Variants in PCDHA7 observed in about 807,000 individuals in gnomAD.
PCDHA7 encodes protocadherin alpha-7.
Under a neutral mutation model 57.2 loss-of-function variants are expected in PCDHA7, and 37 were observed. The ratio of observed to expected loss-of-function variants is 0.65; its 90% CI spans 0.50 to 0.85. PCDHA7 has a LOEUF of 0.85. Ranked by LOEUF, PCDHA7 falls within the 40% of genes least tolerant of loss-of-function variation. The probability of loss-of-function intolerance (pLI) is 0.00; values close to 1 mark genes in which losing one functional copy is unlikely to be tolerated. For missense variants in PCDHA7, 1,188 were observed against 1,241.8 expected, an observed-to-expected ratio of 0.96 and a Z score of 0.65; for synonymous variants, 553 against 558.8, an observed-to-expected ratio of 0.99 and a Z score of 0.15.
intron 1 of PCDHA7, among the ~76,000 whole-genome samples, chr5:140,917,650 T>G (rs897307157): frequency 1.5e-4 from 23 of 152,226 alleles, no homozygotes; most frequent in African/African-American, 5.5e-4. Context: ...CCAGCAATAT[T>G]GAGTAGGAAG....
intron 1 of PCDHA7, among the ~76,000 whole-genome samples, chr5:140,855,023 G>C (rs115040572): frequency 0.046 from 6,867 of 149,598 alleles, 637 homozygotes; most frequent in Middle Eastern, 0.088. Context: ...GAAACTTCTT[G>C]TATAAAGGAT....
intron 1 of PCDHA7, chr5:140,877,946 C>T (rs996993086): frequency 3.2e-5 from 43 of 1,349,440 alleles, no homozygotes; most frequent in Non-Finnish European, 4.0e-5. Context: ...TTTAAACTAT[C>T]GAATGTCTCA....
At chr5:140,946,237 A>C (rs540442862) in intron 1 of PCDHA7, among the ~76,000 whole-genome samples, 8 of 152,268 alleles carry the variant, frequency 5.3e-5, no homozygotes, top group African/African-American at 1.9e-4. Context: ...AAAAATGCTC[A>C]ACATCATGAA....
chr5:140,841,294 A>C, intron 1 of PCDHA7: 1 of 1,563,306 alleles, frequency 6.4e-7, no homozygotes, highest in Non-Finnish European at 8.6e-7. Flanking sequence ...TTAAGATAAT[A>C]TTTTCTGATA....
At chr5:140,974,856 C>G (rs2096643713) in intron 1 of PCDHA7, among the ~76,000 whole-genome samples, 1 of 152,104 alleles carries the variant, frequency 6.6e-6, no homozygotes, top group African/African-American at 2.4e-5. Context: ...TTCCCTTTTG[C>G]CTTAATGCGG....
chr5:140,945,000 G>A (rs980802301), intron 1 of PCDHA7, among the ~76,000 whole-genome samples: 3 of 151,862 alleles, frequency 2.0e-5, no homozygotes, highest in African/African-American at 7.3e-5. Context: ...AACGGTTGTG[G>A]GTCATGAATT....
At chr5:140,985,386 T>A (rs2097149117) in intron 3 of PCDHA7, among the ~76,000 whole-genome samples, 1 of 152,170 alleles carries the variant, frequency 6.6e-6, no homozygotes, top group African/African-American at 2.4e-5. Context: ...TATAATCCAG[T>A]CACCCCAACT....
At chr5:140,845,037 C>T (rs1189014695) in intron 1 of PCDHA7, among the ~76,000 whole-genome samples, 2 of 149,024 alleles carry the variant, frequency 1.3e-5, no homozygotes, top group Non-Finnish European at 3.0e-5. Flanking sequence ...ATATTTTAGC[C>T]CCCTTGTCCA....
At chr5:141,003,762 G>A (rs1295345972) in intron 3 of PCDHA7, among the ~76,000 whole-genome samples, 1 of 152,146 alleles carries the variant, frequency 6.6e-6, no homozygotes, top group East Asian at 1.9e-4. Flanking sequence ...AATTATGGTC[G>A]TATTCTGTTA....
At chr5:140,904,110 T>C (rs556511949) in intron 1 of PCDHA7, among the ~76,000 whole-genome samples, 2 of 152,218 alleles carry the variant, frequency 1.3e-5, no homozygotes, top group Non-Finnish European at 2.9e-5. Context: ...TGGTCATTGC[T>C]GAGATTTTGG....
chr5:141,009,452 TAAAC>T (rs1226554195), intron 3 of PCDHA7, among the ~76,000 whole-genome samples, 171 bp from the exon 4 acceptor site: 1 of 152,120 alleles, frequency 6.6e-6, no homozygotes, highest in Non-Finnish European at 1.5e-5. Flanking sequence ...TCAAAAAAAT[TAAAC>T]AAATAAATAA....
intron 1 of PCDHA7, chr5:140,853,622 T>C: frequency 2.0e-6 from 2 of 988,456 alleles, no homozygotes; most frequent in Non-Finnish European, 2.4e-6. Context: ...TAAATAAGTA[T>C]ACAAGATCAC....
At position 140,856,588 on chromosome 5, in the gene PCDHA7, T is replaced by C. The variant is rs201362862; in HGVS notation, c.2355+19850T>C. The C allele has an allele frequency of 5.2e-5, 83 of 1,597,798 alleles. 1 individual carries two copies. In the East Asian group the frequency reaches 1.3e-3, roughly 25 times the overall value. ...GTCCAAATGAGTATTTTGTTCTTGA[T>C]ATTATAAACAAAAAAGACAAAGACA... On this transcript the variant is annotated intron_variant, in intron 1 of 3. Coordinates refer to ENST00000525929, the MANE Select transcript of PCDHA7 (RefSeq NM_018910.3).
intron 1 of PCDHA7, among the ~76,000 whole-genome samples, chr5:140,845,100 T>G (rs1393397461): frequency 1.3e-5 from 2 of 149,736 alleles, no homozygotes; most frequent in Non-Finnish European, 3.0e-5. Flanking sequence ...TACAGTTCTC[T>G]TAATGCCTGT....
chr5:140,838,443 T>C (rs1554137081), intron 1 of PCDHA7, among the ~76,000 whole-genome samples: 5 of 151,752 alleles, frequency 3.3e-5, no homozygotes, highest in Non-Finnish European at 5.9e-5. Flanking sequence ...TATTGGGTTT[T>C]GTGGCATATT....
chr5:140,859,656 C>A (rs2045955130), intron 1 of PCDHA7: 1 of 155,362 alleles, frequency 6.4e-6, no homozygotes, highest in Admixed American at 6.4e-5. Context: ...TCAGTACGTG[C>A]TTCACAAATA....
At chr5:140,954,015 C>T (rs1322183660) in intron 1 of PCDHA7, among the ~76,000 whole-genome samples, 4 of 152,136 alleles carry the variant, frequency 2.6e-5, no homozygotes, top group African/African-American at 7.2e-5. Context: ...AGCTCCCACA[C>T]ATAGTGGGAC....
At chr5:140,889,632 C>T (rs265311) in intron 1 of PCDHA7, among the ~76,000 whole-genome samples, 138,318 of 152,176 alleles carry the variant, frequency 0.91, 63,092 homozygotes, top group East Asian at 1. Context: ...CTCTTCTTTT[C>T]ATTTGTGTTT....
At chr5:140,884,732 A>G in intron 1 of PCDHA7, 2 of 1,448,046 alleles carry the variant, frequency 1.4e-6, no homozygotes, top group South Asian at 1.6e-5. Flanking sequence ...TGTTTAAGAC[A>G]TCTTTCCTGC....
Sources: allele counts gnomAD v4.1 joint callset (sites outside exome capture counted in the v4.1 genomes callset), GRCh38; gene constraint gnomAD v4.1.1; transcripts MANE v1.5; gene names NCBI Gene and HGNC (gene_info 2026-07-23, HGNC 2026-07-21).